The following CAMSAP1 variants were observed in gnomAD, a reference collection of about 807,000 sequenced individuals.
CAMSAP1 encodes the protein calmodulin regulated spectrin associated protein 1, also known as calmodulin-regulated spectrin-associated protein 1.
Under a neutral mutation model 143.5 loss-of-function variants are expected in CAMSAP1, and 58 were observed. The observed-to-expected ratio is 0.40, with a 90% confidence interval of 0.33 to 0.50. The LOEUF (loss-of-function observed/expected upper bound fraction) is 0.50. Ranked by LOEUF, CAMSAP1 falls within the 20% of genes least tolerant of loss-of-function variation. CAMSAP1 has a pLI of 0.45. For missense variants in CAMSAP1, 1,969 were observed against 2,115.7 expected (o/e 0.93, Z 1.36); for synonymous variants, 945 against 859.3 (o/e 1.10, Z -1.74).
chr9:135,838,964 G>A (rs548031138), intron 7 of CAMSAP1, among the ~76,000 whole-genome samples: 17 of 150,842 alleles, frequency 1.1e-4, no homozygotes, highest in Admixed American at 4.6e-4. Flanking sequence ...CTTTATATCC[G>A]TTCTGCAGAC....
At chr9:135,894,528 A>G (rs1838389603) in intron 1 of CAMSAP1, among the ~76,000 whole-genome samples, 1 of 152,172 alleles carries the variant, frequency 6.6e-6, no homozygotes, top group African/African-American at 2.4e-5. Context: ...GCCCAGCCTA[A>G]GGAGCTCCTG....
intron 7 of CAMSAP1, among the ~76,000 whole-genome samples, chr9:135,835,102 T>C (rs1835974498): frequency 6.6e-6 from 1 of 151,990 alleles, no homozygotes; most frequent in Non-Finnish European, 1.5e-5. Context: ...AATGTGTCCA[T>C]TTGGGAGGAC....
intron 10 of CAMSAP1, 65 bp from the exon 11 acceptor site, chr9:135,823,325 A>T (rs1588447160): frequency 1.3e-6 from 2 of 1,491,000 alleles, no homozygotes; most frequent in African/African-American, 2.8e-5. Context: ...AACATGGACC[A>T]GGGGGTGAGA....
At position 135,818,293 on chromosome 9, in the gene CAMSAP1, C is replaced by G; in HGVS notation, c.4168+115G>C. 8.2e-7 allele frequency: 1 copy of G among 1,219,916 alleles called. No homozygotes were observed. The allele number at this position is 1,219,916 out of a possible 1,614,324, so 75.6% of individuals were successfully genotyped here. A position where few individuals can be genotyped will look rare whatever the true frequency, so the allele number is the denominator to read the frequency against. On this transcript the variant is annotated intron_variant, in intron 13 of 16. Transcript: ENST00000389532. The surrounding 1 kb of genome is among the most constrained non-coding windows in gnomAD (Gnocchi z 7.7). Reference sequence around the variant, plus strand: ...TCATCCATGAAACGGGGATAATCATCTCCACCCTTCCCGCCTCACACCACT... The same window carrying G: ...TCATCCATGAAACGGGGATAATCATGTCCACCCTTCCCGCCTCACACCACT...
At chr9:135,877,958 T>C (rs981570862) in intron 3 of CAMSAP1, among the ~76,000 whole-genome samples, 4 of 152,136 alleles carry the variant, frequency 2.6e-5, no homozygotes, top group African/African-American at 9.7e-5. Context: ...CTGGGTCACA[T>C]ACAGGATGGG....
chr9:135,821,463 G>T lies in CAMSAP1; in HGVS notation c.3198C>A (p.Asp1066Glu). ...AGTGGACTGGTGCCTTCACTTTGTGGTCCTGCGAGTTATTCTTAGAGCCTG... is the reference window on the plus strand; with the variant it reads ...AGTGGACTGGTGCCTTCACTTTGTGTTCCTGCGAGTTATTCTTAGAGCCTG... The part of the protein sequence containing the change: ...PVPGSKNNSQ[D>E]HKVKAPVHFV... The change falls in exon 11 of 17, where the codon GAC (aspartate) becomes GAA (glutamate). Residue 1066 changes from aspartate (D) to glutamate (E), a missense_variant. By Grantham distance (45) the Asp-to-Glu change is conservative. Around this residue, in one of 4 missense-constraint regions of CAMSAP1, gnomAD observed 1,390 missense variants for 1,420.8 expected, o/e 0.98. Transcript: ENST00000389532. The surrounding 1 kb of genome is among the most constrained non-coding windows in gnomAD (Gnocchi z 4.6). 1 of 1,614,078 alleles carries T rather than the reference G, an allele frequency of 6.2e-7. No individual in the cohort carries two copies. The highest frequency in any genetic ancestry group is 1.3e-5 in the African/African-American group (1 of 75,076).
chr9:135,814,264 G>A (rs924146941), intron 16 of CAMSAP1, among the ~76,000 whole-genome samples: 5 of 152,214 alleles, frequency 3.3e-5, no homozygotes, highest in African/African-American at 4.8e-5. Flanking sequence ...CAGAAATTCC[G>A]TATGTCACTT....
chr9:135,906,454 T>C (rs1838779947), intron 1 of CAMSAP1, among the ~76,000 whole-genome samples: 1 of 152,232 alleles, frequency 6.6e-6, no homozygotes, highest in Admixed American at 6.5e-5. Flanking sequence ...AGTAACAAGG[T>C]TACCTAGTTC....
chr9:135,893,347 AAG>A (rs987418441), intron 1 of CAMSAP1, among the ~76,000 whole-genome samples: 17 of 151,796 alleles, frequency 1.1e-4, no homozygotes, highest in Admixed American at 7.2e-4. Flanking sequence ...AAAAAAGAAA[AAG>A]AAAAGGCAGG....
Position 135,821,602 on chromosome 9 carries a change from C to T in CAMSAP1, c.3059G>A (p.Cys1020Tyr), listed in dbSNP as rs2131659290. 1.2e-6 allele frequency: 2 copies of T among 1,614,016 alleles called. No homozygotes were observed. The highest frequency in any genetic ancestry group is 3.3e-4 in the Middle Eastern group (2 of 6,060). ...GTTAAGCTTCTCGATGGAAAGGTCA[C>T]ATTCATTCACGTCGACAACCTCCCC... ...TVGEVVDVNE[C>Y]DLSIEKLNET... The change falls in exon 11 of 17, where the codon TGT becomes TAT. Residue 1020 changes from cysteine to tyrosine, a missense_variant. By Grantham distance (194) the Cys-to-Tyr change is radical. This residue lies in a region of CAMSAP1 where 1,390 missense variants were observed against 1,420.8 expected (regional missense o/e 0.98). Coordinates refer to ENST00000389532, the MANE Select transcript of CAMSAP1 (RefSeq NM_015447.4). The surrounding 1 kb of genome is among the most constrained non-coding windows in gnomAD (Gnocchi z 4.6).
intron 1 of CAMSAP1, among the ~76,000 whole-genome samples, chr9:135,894,608 C>G (rs960412279): frequency 1.2e-4 from 19 of 152,200 alleles, no homozygotes; most frequent in African/African-American, 4.6e-4. Flanking sequence ...GCGACCAAAA[C>G]AGCACCACAA....
chr9:135,897,869 A>G (rs1195760883), intron 1 of CAMSAP1, among the ~76,000 whole-genome samples: 2 of 152,230 alleles, frequency 1.3e-5, no homozygotes, highest in Non-Finnish European at 2.9e-5. Context: ...AAGGTTACTG[A>G]TAACAGGGGA....
chr9:135,820,710 C>T lies in CAMSAP1; in HGVS notation c.3822+129G>A, dbSNP rs115415896. The T allele has an allele frequency of 1.8e-3, 2,214 of 1,246,450 alleles. 42 individuals carry two copies. The African/African-American group carries it at 0.03, about 17-fold the overall frequency. 77.2% of individuals were successfully genotyped at this position (1,246,450 alleles called of 1,614,324 possible). A position where few individuals can be genotyped will look rare whatever the true frequency, so the allele number is the denominator to read the frequency against. The stretch of plus-strand genomic sequence containing the variant: ...AGACTCTGTGGCCCACAAAGCTAAA[C>T]ACACACATCCCCTGGCCTCTTACAG... On this transcript the variant is annotated intron_variant, in intron 11 of 16. Coordinates refer to ENST00000389532, the MANE Select transcript of CAMSAP1 (RefSeq NM_015447.4). This position sits in a 1 kb window ranked among gnomAD's most constrained non-coding sequence, Gnocchi z 4.4.
Position 135,819,133 on chromosome 9 carries a change from G to A in CAMSAP1, c.3836C>T (p.Ala1279Val), listed in dbSNP as rs1373117232. ...CCGCTTCTTGGCGAGCTCATCTTCC[G>A]CTTTCTGTTCATCCTGCAAGACAGA... ...VGFFFKDEQK[A>V]EDELAKKRAA... Residue 1279 changes from alanine (A) to valine (V), a missense_variant, in exon 12 of 17, where the codon GCG becomes GTG. By Grantham distance (64) the Ala-to-Val change is moderately conservative. Coordinates refer to ENST00000389532, the MANE Select transcript of CAMSAP1 (RefSeq NM_015447.4). The A allele has an allele frequency of 3.7e-6, 6 of 1,601,430 alleles. No homozygotes were observed. Among genetic ancestry groups the A allele is most frequent in the South Asian group, 1.1e-5 (1 of 88,446 alleles).
chr9:135,830,883 C>T (rs1835837187), intron 7 of CAMSAP1, among the ~76,000 whole-genome samples: 1 of 152,094 alleles, frequency 6.6e-6, no homozygotes, highest in Non-Finnish European at 1.5e-5. Flanking sequence ...TTAATTACAG[C>T]AAGAAGGCCA....
intron 5 of CAMSAP1, among the ~76,000 whole-genome samples, chr9:135,856,920 C>T (rs1836999312): frequency 6.6e-6 from 1 of 152,226 alleles, no homozygotes; most frequent in Non-Finnish European, 1.5e-5. Context: ...CCTGAGCCTC[C>T]CTCCACCTCC....
intron 1 of CAMSAP1, among the ~76,000 whole-genome samples, chr9:135,900,920 A>G (rs1019449899): frequency 6.6e-6 from 1 of 151,556 alleles, no homozygotes; most frequent in South Asian, 2.1e-4. Context: ...ACACCCAGCT[A>G]ATTTTGTATT....
chr9:135,900,204 T>A (rs1838575462), intron 1 of CAMSAP1, among the ~76,000 whole-genome samples: 1 of 152,030 alleles, frequency 6.6e-6, no homozygotes, highest in African/African-American at 2.4e-5. Context: ...TTTTATGTTC[T>A]TTGTAGAGAC....
intron 3 of CAMSAP1, among the ~76,000 whole-genome samples, chr9:135,870,337 G>A (rs954080611): frequency 5.3e-5 from 8 of 152,048 alleles, no homozygotes; most frequent in Admixed American, 3.9e-4. Context: ...CATGTAAGAC[G>A]TGCCTCTTCC....
Sources: gnomAD v4.1 joint callset for allele counts (sites outside exome capture counted in the v4.1 genomes callset) on GRCh38, gnomAD v4.1.1 for gene constraint, gnomAD v4.1.1 regional missense constraint, Gnocchi (gnomAD v3.1) non-coding constraint, MANE v1.5 for transcripts, NCBI Gene and HGNC (gene_info 2026-07-23, HGNC 2026-07-21) for gene names.